Variants in TADA2A observed in about 807,000 individuals in gnomAD.
TADA2A encodes the protein transcriptional adaptor 2A.
A neutral mutation model predicts 67.4 loss-of-function variants in TADA2A; 38 were observed. The ratio of observed to expected loss-of-function variants is 0.56; its 90% CI spans 0.44 to 0.74. The LOEUF is 0.74. Among genes scored for constraint, TADA2A ranks in the 30% least tolerant of loss-of-function variants. The probability of loss-of-function intolerance (pLI) is 0.00; values close to 1 mark genes in which losing one functional copy is unlikely to be tolerated. For synonymous variants in TADA2A, 192 were observed against 181.6 expected, an observed-to-expected ratio of 1.06 and a Z score of -0.46; for missense variants, 454 against 547.0, an observed-to-expected ratio of 0.83 and a Z score of 1.70.
At chr17:37,420,779 T>A (rs758663840) in intron 2 of TADA2A, among the ~76,000 whole-genome samples, 1 of 146,760 alleles carries the variant, frequency 6.8e-6, no homozygotes. Context: ...TCTTGGACTT[T>A]AGGGAGGCAA....
rs573640576 is a variant in TADA2A at position 37,474,574 on chromosome 17, C to A, written c.1091C>A (p.Pro364His). 3 of 1,613,720 alleles carry A rather than the reference C, an allele frequency of 1.9e-6. No individual in the cohort carries two copies. Among genetic ancestry groups the A allele is most frequent in the African/African-American group, 2.7e-5 (2 of 75,010 alleles). The change falls in exon 15 of 16, where the codon CCC becomes CAC. Residue 364 changes from proline (P) to histidine (H), a missense_variant. This residue lies in a region of TADA2A where 403 missense variants were observed against 455.5 expected (regional missense o/e 0.88). Coordinates refer to ENST00000615182, the MANE Select transcript of TADA2A (RefSeq NM_001166105.3). ...ASNSGRRSAP[P>H]LNLTGLPGTE... ...TCTATAGGTAGACGGAGTGCACCAC[C>A]CTTGAACCTCACTGGCCTCCCTGGC...
intron 8 of TADA2A, among the ~76,000 whole-genome samples, chr17:37,447,393 G>C (rs1255191529): frequency 1.3e-5 from 2 of 152,164 alleles, no homozygotes; most frequent in Non-Finnish European, 2.9e-5. Context: ...GGCCTCAACT[G>C]ATCTGCCCAC....
Position 37,477,603 on chromosome 17 carries a change from T to C in TADA2A, c.*621T>C. 6.6e-6 allele frequency: 1 copy of C among 152,170 alleles called. No homozygotes were observed. Among genetic ancestry groups the C allele is most frequent in the Non-Finnish European group, 1.5e-5 (1 of 68,174 alleles). 9.4% of individuals were successfully genotyped at this position (152,170 alleles called of 1,614,324 possible). On this transcript the variant is annotated 3_prime_UTR_variant, in exon 16 of 16. Coordinates refer to ENST00000615182, the MANE Select transcript of TADA2A (RefSeq NM_001166105.3). ...CCTCAGCCTCCCGAATAGCTGGGACTACAGGTGTCCACCACCACACCTGGC... is the reference window on the plus strand; with the variant it reads ...CCTCAGCCTCCCGAATAGCTGGGACCACAGGTGTCCACCACCACACCTGGC...
Position 37,478,925 on chromosome 17 carries a change from CT to C in TADA2A, c.*1945del, listed in dbSNP as rs1260046004. On this transcript the variant is annotated 3_prime_UTR_variant, in exon 16 of 16. Coordinates refer to ENST00000615182, the MANE Select transcript of TADA2A (RefSeq NM_001166105.3). ...AATGACGTGGAAATGACCTGTTTTC[CT>C]TGTAAAATCATATCTCGTAGAAAAC... 6.6e-6 allele frequency: 1 copy of C among 152,144 alleles called. No homozygotes were observed. Among genetic ancestry groups the C allele is most frequent in the African/African-American group, 2.4e-5 (1 of 41,424 alleles). The allele number at this position is 152,144 out of a possible 1,614,324, so 9.4% of individuals were successfully genotyped here. A position where few individuals can be genotyped will look rare whatever the true frequency, so the allele number is the denominator to read the frequency against.
At chr17:37,427,627 G>A (rs1317608568) in intron 4 of TADA2A, among the ~76,000 whole-genome samples, 2 of 152,150 alleles carry the variant, frequency 1.3e-5, no homozygotes, top group Non-Finnish European at 2.9e-5. Context: ...GGGAGTGGGT[G>A]GTTTAATAAG....
At chr17:37,465,094 G>A (rs1001144838) in intron 10 of TADA2A, among the ~76,000 whole-genome samples, 22 of 151,250 alleles carry the variant, frequency 1.5e-4, no homozygotes, top group African/African-American at 5.4e-4. Flanking sequence ...GTTGCAGTGC[G>A]CCGAGATCAC....
chr17:37,469,161 C>T (rs1483175752), intron 12 of TADA2A, among the ~76,000 whole-genome samples: 1 of 151,794 alleles, frequency 6.6e-6, no homozygotes, highest in East Asian at 2.0e-4. Flanking sequence ...CCCACCTCAG[C>T]CTCCCAAAGC....
At chr17:37,445,328 C>T (rs769983765) in intron 8 of TADA2A, among the ~76,000 whole-genome samples, 5 of 152,146 alleles carry the variant, frequency 3.3e-5, no homozygotes, top group Admixed American at 6.5e-5. Context: ...TGCAGTGGCG[C>T]GATCTTGGCT....
intron 8 of TADA2A, among the ~76,000 whole-genome samples, chr17:37,449,029 T>A (rs200301108): frequency 0.019 from 2,651 of 142,942 alleles, 75 homozygotes; most frequent in African/African-American, 0.066. Context: ...TTTTTTTTTT[T>A]ATTTTTTTTG....
rs940292864 is a variant in TADA2A, at chr17:37,411,570, G to A, written c.25+180G>A. Among the ~76,000 whole-genome samples the A allele has an allele frequency of 5.3e-5, 8 of 151,894 alleles. No homozygotes were observed. In the South Asian group the frequency reaches 8.3e-4, roughly 16 times the overall value. On this transcript the variant is annotated intron_variant, in intron 2 of 15. Coordinates refer to ENST00000615182, the MANE Select transcript of TADA2A (RefSeq NM_001166105.3). ...CCTGAGTAGCTAGGACTACAGGCGCGCACCACCACACACAGCTAATTTTTT... is the reference window on the plus strand; with the variant it reads ...CCTGAGTAGCTAGGACTACAGGCGCACACCACCACACACAGCTAATTTTTT...
chr17:37,417,118 G>T (rs367876058), intron 2 of TADA2A, among the ~76,000 whole-genome samples: 5 of 151,966 alleles, frequency 3.3e-5, no homozygotes, highest in African/African-American at 9.6e-5. Context: ...AATGGCTCAC[G>T]ACTGTAATCC....
At chr17:37,443,106 G>A (rs1039241261) in intron 7 of TADA2A, among the ~76,000 whole-genome samples, 3 of 152,052 alleles carry the variant, frequency 2.0e-5, no homozygotes, top group African/African-American at 4.8e-5. Context: ...AGGCTGTAGC[G>A]AGTGGTGATC....
At chr17:37,446,099 G>GTT (rs2053071197) in intron 8 of TADA2A, among the ~76,000 whole-genome samples, 1 of 127,230 alleles carries the variant, frequency 7.9e-6, no homozygotes, top group African/African-American at 3.3e-5. Context: ...TTTTTTTTGG[G>GTT]GGGGTTTTTT....
intron 9 of TADA2A, among the ~76,000 whole-genome samples, chr17:37,461,292 T>G (rs1158665283): frequency 6.6e-6 from 1 of 152,178 alleles, no homozygotes. Flanking sequence ...GCTGCTCACC[T>G]GCTGTGCAGC....
intron 7 of TADA2A, among the ~76,000 whole-genome samples, chr17:37,444,285 G>C (rs576404171): frequency 4.7e-4 from 70 of 148,764 alleles, no homozygotes; most frequent in African/African-American, 1.7e-3. Context: ...AGAATGAATT[G>C]ACTTTATTTA....
intron 9 of TADA2A, among the ~76,000 whole-genome samples, chr17:37,461,526 G>A (rs1327360198): frequency 2.0e-5 from 3 of 152,148 alleles, no homozygotes; most frequent in South Asian, 2.1e-4. Context: ...AACACAATTC[G>A]AGCTAGAGAG....
chr17:37,468,665 C>T (rs1337235842), intron 12 of TADA2A, among the ~76,000 whole-genome samples: 3 of 151,948 alleles, frequency 2.0e-5, no homozygotes, highest in Non-Finnish European at 4.4e-5. Context: ...CTGTGCCTGG[C>T]CTCTATTCAA....
chr17:37,447,747 C>A (rs1379168163), intron 8 of TADA2A, among the ~76,000 whole-genome samples: 1 of 152,188 alleles, frequency 6.6e-6, no homozygotes, highest in Non-Finnish European at 1.5e-5. Context: ...GCAGCATGAC[C>A]ATGTCCAGGA....
intron 15 of TADA2A, among the ~76,000 whole-genome samples, chr17:37,475,766 A>T (rs1354854607): frequency 2.0e-5 from 3 of 152,200 alleles, no homozygotes; most frequent in Non-Finnish European, 4.4e-5. Flanking sequence ...CACCGGCCTG[A>T]TTAAAAAATT....
Sources: allele counts gnomAD v4.1 joint callset (sites outside exome capture counted in the v4.1 genomes callset), GRCh38; gene constraint gnomAD v4.1.1; regional missense constraint gnomAD v4.1.1; transcripts MANE v1.5; gene names NCBI Gene and HGNC (gene_info 2026-07-23, HGNC 2026-07-21).